Variants in TULP4 observed in about 807,000 individuals in gnomAD.
TULP4 encodes the protein tubby-related protein 4.
Under a neutral mutation model 129.0 loss-of-function variants are expected in TULP4, and 16 were observed. The observed-to-expected ratio is 0.12, with a 90% CI of 0.08 to 0.19. TULP4 has a LOEUF of 0.19. Ranked by LOEUF, TULP4 falls within the 10% of genes least tolerant of loss-of-function variation. The pLI is 1.00. For synonymous variants in TULP4, 998 were observed against 854.0 expected, an observed-to-expected ratio of 1.17 and a Z score of -2.94; for missense variants, 1,842 against 2,059.1, an observed-to-expected ratio of 0.89 and a Z score of 2.04.
chr6:158,464,690 C>T (rs555290903), intron 6 of TULP4, among the ~76,000 whole-genome samples: 1 of 152,322 alleles, frequency 6.6e-6, no homozygotes, highest in South Asian at 2.1e-4. Flanking sequence ...GGAGCCACTG[C>T]GCCTGGCCCC....
At chr6:158,399,052 T>C (rs564445644) in intron 1 of TULP4, among the ~76,000 whole-genome samples, 1 of 152,350 alleles carries the variant, frequency 6.6e-6, no homozygotes, top group African/African-American at 2.4e-5. Flanking sequence ...TGTTTTCACT[T>C]ATAAAATAGA....
Position 158,503,792 on chromosome 6 carries a change from C to G in TULP4, c.4129C>G (p.Leu1377Val). 6.2e-7 allele frequency: 1 copy of G among 1,614,082 alleles called. No homozygotes were observed. Among genetic ancestry groups the G allele is most frequent in the Non-Finnish European group, 8.5e-7 (1 of 1,180,030 alleles). ...TAATTCCCTAATCTCCAGCCCACAC[C>G]TGGGGAGAGAGAAGAAGAAAGTGAA... The part of the protein sequence containing the change: ...DFNSLISSPH[L>V]GREKKKVKSQ... Residue 1377 changes from leucine (L) to valine (V), a missense_variant, in exon 13 of 14, where the codon CTG becomes GTG. Physicochemically the swap from Leu to Val is conservative, Grantham distance 32 (BLOSUM62 1). Coordinates refer to ENST00000367097, the MANE Select transcript of TULP4 (RefSeq NM_020245.5). This position sits in a 1 kb window ranked among gnomAD's most constrained non-coding sequence, Gnocchi z 4.3.
chr6:158,431,607 C>T (rs781007935), intron 3 of TULP4, among the ~76,000 whole-genome samples: 5 of 152,086 alleles, frequency 3.3e-5, no homozygotes, highest in Non-Finnish European at 7.4e-5. Flanking sequence ...GGCTTGGCAA[C>T]GTGTGGAGGA....
At chr6:158,440,317 C>CAAAA (rs34200003) in intron 3 of TULP4, among the ~76,000 whole-genome samples, 2 of 86,002 alleles carry the variant, frequency 2.3e-5, no homozygotes, top group Non-Finnish European at 4.2e-5. Flanking sequence ...GTCCCTGTCT[C>CAAAA]AAAAAAAAAA....
chr6:158,234,839 C>T (rs1158421606), intron 1 of TULP4, among the ~76,000 whole-genome samples: 4 of 152,188 alleles, frequency 2.6e-5, no homozygotes, highest in Non-Finnish European at 5.9e-5. Context: ...ACTAAACATA[C>T]TAATTTTTTG....
At chr6:158,480,990 T>G (rs1779928920) in intron 7 of TULP4, 65 bp from the exon 8 acceptor site, 2 of 1,458,182 alleles carry the variant, frequency 1.4e-6, no homozygotes, top group South Asian at 2.7e-5. Context: ...CCGTGCCCAC[T>G]CTCTTTCCCT....
rs543819314 is a variant in TULP4, at chr6:158,451,020, G to A, written c.725-1114G>A. On this transcript the variant is annotated intron_variant, in intron 4 of 13. Transcript: ENST00000367097. Reference sequence around the variant, plus strand: ...GCGGAGCCTGCAGTGAGCCAAGATCGCGCCACTGCATTCCAGCCTGGGCAA... The same window carrying A: ...GCGGAGCCTGCAGTGAGCCAAGATCACGCCACTGCATTCCAGCCTGGGCAA... 2.6e-5 allele frequency among the ~76,000 whole-genome samples: 4 copies of A among 152,120 alleles called. No homozygotes were observed. In the East Asian group the frequency reaches 5.8e-4, roughly 22 times the overall value.
At chr6:158,332,641 T>A (rs2114721558) in intron 1 of TULP4, among the ~76,000 whole-genome samples, 1 of 152,228 alleles carries the variant, frequency 6.6e-6, no homozygotes, top group South Asian at 2.1e-4. Flanking sequence ...GTTGAGGAGC[T>A]ATAGAAAGAT....
chr6:158,459,799 T>G lies in TULP4; in HGVS notation c.860-1764T>G, dbSNP rs560955128. Among the ~76,000 whole-genome samples the G allele has an allele frequency of 2.0e-4, 31 of 152,338 alleles. No homozygotes were observed. The East Asian group carries it at 5.6e-3, about 27-fold the overall frequency. ...CATCTTTGTTACTACTATGACTGTT[T>G]ATGTTAGTGCCTCACCTTTTGGTTT... On this transcript the variant is annotated intron_variant, in intron 5 of 13. Coordinates refer to ENST00000367097, the MANE Select transcript of TULP4 (RefSeq NM_020245.5).
At chr6:158,431,363 G>A (rs144439412) in intron 3 of TULP4, among the ~76,000 whole-genome samples, 127 of 152,232 alleles carry the variant, frequency 8.3e-4, no homozygotes, top group South Asian at 1.7e-3. Flanking sequence ...GGATGTCTTG[G>A]CTTCACATTC....
In TULP4 at chr6:158,413,811, TA is replaced by T. The variant is rs1203130183; in HGVS notation, c.381+619del. Among the ~76,000 whole-genome samples the T allele has an allele frequency of 6.6e-6, 1 of 152,258 alleles. No individual in the cohort carries two copies. The highest frequency in any genetic ancestry group is 1.5e-5 in the Non-Finnish European group (1 of 68,052). ...GGACGGCTTCATGGTGCACCTTTTGTATGGGTTTAAGGACACACATTGGAGC... is the reference window on the plus strand; with the variant it reads ...GGACGGCTTCATGGTGCACCTTTTGTTGGGTTTAAGGACACACATTGGAGC... On this transcript the variant is annotated intron_variant, in intron 2 of 13. Coordinates refer to ENST00000367097, the MANE Select transcript of TULP4 (RefSeq NM_020245.5). This position sits in a 1 kb window ranked among gnomAD's most constrained non-coding sequence, Gnocchi z 4.9.
intron 1 of TULP4, among the ~76,000 whole-genome samples, chr6:158,332,219 AT>A (rs1779926776): frequency 7.1e-6 from 1 of 140,018 alleles, no homozygotes. Flanking sequence ...ATATATATAT[AT>A]ATATATATAA....
chr6:158,498,746 A>C lies in TULP4; in HGVS notation c.1948A>C (p.Met650Leu), dbSNP rs745964477. 1.9e-6 allele frequency: 3 copies of C among 1,614,218 alleles called. No homozygotes were observed. The South Asian group carries it at 3.3e-5, about 18-fold the overall frequency. ...TCTCCCAGAAGTTCGGAAAATTTCC[A>C]TGGACTATATTAATTTACCTGTCTT... Reference protein sequence around the residue: ...IYLPEVRKISMDYINLPVFNP... With the variant: ...IYLPEVRKISLDYINLPVFNP... Residue 650 changes from methionine (M) to leucine (L), a missense_variant, in exon 12 of 14, where the codon ATG (methionine) becomes CTG (leucine). Met to Leu is a conservative substitution (Grantham distance 15). Around this residue, in one of 5 missense-constraint regions of TULP4, gnomAD observed 99 missense variants for 165.1 expected, o/e 0.60. Coordinates refer to ENST00000367097, the MANE Select transcript of TULP4 (RefSeq NM_020245.5).
chr6:158,364,793 G>A (rs771571307), intron 1 of TULP4, among the ~76,000 whole-genome samples: 27 of 152,144 alleles, frequency 1.8e-4, no homozygotes, highest in Admixed American at 3.9e-4. Context: ...CTGGAGTGCA[G>A]TGGCGTGATC....
chr6:158,320,859 C>T (rs992412145), intron 1 of TULP4, among the ~76,000 whole-genome samples: 1 of 152,134 alleles, frequency 6.6e-6, no homozygotes, highest in Non-Finnish European at 1.5e-5. Context: ...ACATCTTCTC[C>T]GATATGCTTT....
intron 1 of TULP4, among the ~76,000 whole-genome samples, chr6:158,375,954 G>A (rs754615424): frequency 3.9e-5 from 6 of 152,232 alleles, no homozygotes; most frequent in Non-Finnish European, 8.8e-5. Flanking sequence ...ACAGGCTTAC[G>A]ACCTGCGGGA....
At chr6:158,388,633 A>G (rs1777512372) in intron 1 of TULP4, among the ~76,000 whole-genome samples, 1 of 143,014 alleles carries the variant, frequency 7.0e-6, no homozygotes, top group Admixed American at 7.1e-5. Context: ...CCGGCCTAAT[A>G]ATCTGCTCAT....
chr6:158,475,266 C>T (rs1482435659), intron 6 of TULP4, among the ~76,000 whole-genome samples: 1 of 152,236 alleles, frequency 6.6e-6, no homozygotes, highest in Non-Finnish European at 1.5e-5. Context: ...GGCCACTCGC[C>T]TCCAGCACTG....
chr6:158,396,861 T>C (rs1428766888), intron 1 of TULP4, among the ~76,000 whole-genome samples: 1 of 152,222 alleles, frequency 6.6e-6, no homozygotes, highest in Non-Finnish European at 1.5e-5. Flanking sequence ...GCACTCGGAA[T>C]CCCGAGAAAT....
Sources: allele counts gnomAD v4.1 joint callset (sites outside exome capture counted in the v4.1 genomes callset), GRCh38; gene constraint gnomAD v4.1.1; regional missense constraint gnomAD v4.1.1; non-coding constraint Gnocchi (gnomAD v3.1); transcripts MANE v1.5; gene names NCBI Gene and HGNC (gene_info 2026-07-23, HGNC 2026-07-21).